The following PHYH variants were observed in gnomAD, a reference collection of about 807,000 sequenced individuals.
The protein encoded by PHYH is phytanoyl-CoA dioxygenase, peroxisomal.
In PHYH, 32 loss-of-function variants were observed where a neutral mutation model predicts 38.5. That is an observed-to-expected ratio of 0.83 (90% CI 0.63 to 1.12). PHYH has a LOEUF of 1.12. PHYH is among the 50% of genes most tolerant of loss of function. PHYH has a pLI of 0.00. For synonymous variants in PHYH, 166 were observed against 157.9 expected (o/e 1.05, Z -0.38); for missense variants, 426 against 434.8 (o/e 0.98, Z 0.18).
chr10:13,284,044 C>T (rs1044501706), intron 6 of PHYH, among the ~76,000 whole-genome samples: 10 of 152,002 alleles, frequency 6.6e-5, no homozygotes, highest in African/African-American at 2.2e-4. Context: ...ACATTTTGGC[C>T]GGGCATGGTG....
Position 13,298,191 on chromosome 10 carries a change from A to G in PHYH, c.130T>C (p.Phe44Leu). ...ATCAAAACTCAAACTACTTACTGGA[A>G]TTGTTGAGGATGGAAACTGGCAGAG... ...ISSASFHPQQ[F>L]QYTLDNNVLT... is the part of the protein sequence containing the mutation. Residue 44 changes from phenylalanine to leucine, a missense_variant, in exon 2 of 9, where the codon TTC (phenylalanine) becomes CTC (leucine). Transcript: ENST00000263038. The G allele has an allele frequency of 1.3e-6, 2 of 1,594,816 alleles. No individual in the cohort carries two copies. Among genetic ancestry groups the G allele is most frequent in the Non-Finnish European group, 1.7e-6 (2 of 1,162,370 alleles).
intron 5 of PHYH, among the ~76,000 whole-genome samples, chr10:13,290,047 T>C (rs1835666933): frequency 1.4e-5 from 2 of 141,008 alleles, no homozygotes; most frequent in African/African-American, 2.7e-5. Context: ...GCCGGGTAGA[T>C]TGCCTGAGGT....
rs1380062350 is a variant in PHYH, at chr10:13,289,996, C to T, written c.497-1455G>A. ...AAAAACACACAAAACAGGACGGGCACGGTGGCTCACGCCGGTAATCCCAGC... is the reference window on the plus strand; with the variant it reads ...AAAAACACACAAAACAGGACGGGCATGGTGGCTCACGCCGGTAATCCCAGC... On this transcript the variant is annotated intron_variant, in intron 5 of 8. Transcript: ENST00000263038. Among the ~76,000 whole-genome samples, 7 of 144,448 alleles carry T rather than the reference C, an allele frequency of 4.8e-5. 1 individual carries two copies. In the South Asian group the frequency reaches 8.9e-4, roughly 18 times the overall value. The allele number at this position is 144,448 out of a possible 152,430, so 94.8% of individuals were successfully genotyped here.
rs1389557837 is a variant in PHYH at position 13,288,412 on chromosome 10, A to C, written c.626T>G (p.Leu209Arg). 13 of 1,614,044 alleles carry C rather than the reference A, an allele frequency of 8.1e-6. No homozygotes were observed. The highest frequency in any genetic ancestry group is 8.5e-7 in the Non-Finnish European group (1 of 1,180,058). ...CAGGGAGCCCTTGTGTGTGCCTGGG[A>C]GCACAACCAGACAGCCGTTGTTCCG... Reference protein sequence around the residue: ...ISRNNGCLVVLPGTHKGSLKP... With the variant: ...ISRNNGCLVVRPGTHKGSLKP... The change falls in exon 6 of 9, where the codon CTC becomes CGC. Residue 209 changes from leucine to arginine, a missense_variant. By Grantham distance (102) the Leu-to-Arg change is moderately radical. Coordinates refer to ENST00000263038, the MANE Select transcript of PHYH (RefSeq NM_006214.4).
rs150001161 is a variant in PHYH at position 13,294,466 on chromosome 10, C to G, written c.376G>C (p.Glu126Gln). 1.9e-6 allele frequency: 3 copies of G among 1,614,010 alleles called. No individual in the cohort carries two copies. Among genetic ancestry groups the G allele is most frequent in the Middle Eastern group, 1.6e-4 (1 of 6,084 alleles). ...CAGTATCTGAAGAGCTCCTTATCTT[C>G]CTGGAAATCCTGGACCTTCGTGATC... is the stretch of plus-strand genomic sequence containing the variant. ...KMITKVQDFQ[E>Q]DKELFRYCTL... The change falls in exon 4 of 9, where the codon GAA (glutamate) becomes CAA (glutamine). Residue 126 changes from glutamate (E) to glutamine (Q), a missense_variant. Coordinates refer to ENST00000263038, the MANE Select transcript of PHYH (RefSeq NM_006214.4).
rs1832707956 is a variant in PHYH at position 13,300,030 on chromosome 10, G to T, written c.13C>A (p.Arg5Ser). Residue 5 changes from arginine (R) to serine (S), a missense_variant, in exon 1 of 9, where the codon CGC becomes AGC. Coordinates refer to ENST00000263038, the MANE Select transcript of PHYH (RefSeq NM_006214.4). MEQL[R>S]AAARLQIVLG... ...ACAATCTGCAGACGGGCGGCGGCGC[G>T]AAGCTGCTCCATGGCTGCGGCGCGG... The T allele has an allele frequency of 1.3e-6, 2 of 1,531,630 alleles. No individual in the cohort carries two copies. The highest frequency in any genetic ancestry group is 8.7e-7 in the Non-Finnish European group (1 of 1,144,298). The allele number at this position is 1,531,630 out of a possible 1,614,324, so 94.9% of individuals were successfully genotyped here. A position where few individuals can be genotyped will look rare whatever the true frequency, so the allele number is the denominator to read the frequency against.
intron 1 of PHYH, chr10:13,299,559 G>A: frequency 2.0e-6 from 2 of 1,016,420 alleles, no homozygotes; most frequent in Non-Finnish European, 2.4e-6. Context: ...GAGAGGTCCC[G>A]GTCACTGCCT....
chr10:13,288,694 G>A (rs1040488798), intron 5 of PHYH, among the ~76,000 whole-genome samples, 153 bp from the exon 6 acceptor site: 1 of 151,956 alleles, frequency 6.6e-6, no homozygotes, highest in African/African-American at 2.4e-5. Flanking sequence ...ACCATCCCGG[G>A]AAACACAGTG....
chr10:13,279,005 T>A (rs529574969), intron 8 of PHYH, among the ~76,000 whole-genome samples: 1 of 147,930 alleles, frequency 6.8e-6, no homozygotes, highest in African/African-American at 2.5e-5. Context: ...TTCTGCATAA[T>A]TTTTTTTTTT....
At chr10:13,299,228 GT>G (rs1033205546) in intron 1 of PHYH, among the ~76,000 whole-genome samples, 23 of 151,748 alleles carry the variant, frequency 1.5e-4, no homozygotes. Flanking sequence ...GAATTGCATT[GT>G]TTCTTTAGCT....
At chr10:13,287,156 T>A (rs11258307) in intron 6 of PHYH, among the ~76,000 whole-genome samples, 1 of 151,838 alleles carries the variant, frequency 6.6e-6, no homozygotes, top group East Asian at 1.9e-4. Flanking sequence ...CTGGCCAACA[T>A]AGTGAAATCC....
chr10:13,295,110 G>A (rs960578541), intron 3 of PHYH: 3 of 281,114 alleles, frequency 1.1e-5, no homozygotes, highest in South Asian at 7.6e-5. Context: ...GGAGGGTGAG[G>A]CCAGGAGTTC....
At chr10:13,294,623 T>C in intron 3 of PHYH, 27 bp from the exon 4 acceptor site, 1 of 1,608,958 alleles carries the variant, frequency 6.2e-7, no homozygotes, top group Non-Finnish European at 8.5e-7. Flanking sequence ...GCAAATGATG[T>C]CGTTACCGCT....
At chr10:13,289,593 G>T (rs972956201) in intron 5 of PHYH, among the ~76,000 whole-genome samples, 1 of 152,132 alleles carries the variant, frequency 6.6e-6, no homozygotes, top group Non-Finnish European at 1.5e-5. Flanking sequence ...TGAAGAGAGT[G>T]ATATGGAGTC....
rs1835618048 is a variant in PHYH at position 13,288,522 on chromosome 10, G to T, written c.516C>A (p.His172Gln). 2 of 1,614,138 alleles carry T rather than the reference G, an allele frequency of 1.2e-6. No homozygotes were observed. Among genetic ancestry groups the T allele is most frequent in the Non-Finnish European group, 1.7e-6 (2 of 1,180,036 alleles). Residue 172 changes from histidine to glutamine, a missense_variant, in exon 6 of 9, where the codon CAC (histidine) becomes CAA (glutamine). Coordinates refer to ENST00000263038, the MANE Select transcript of PHYH (RefSeq NM_006214.4). ...AATAGTGCAGGTCCTGGTGCAGGGG[G>T]TGACGGGACGTCTTCTTGCCTGAAA... The part of the protein sequence containing the change: ...PPDSGKKTSR[H>Q]PLHQDLHYFP...
At chr10:13,283,985 A>G (rs1237642442) in intron 6 of PHYH, 146 bp from the exon 7 acceptor site, 2 of 856,436 alleles carry the variant, frequency 2.3e-6, no homozygotes, top group Non-Finnish European at 3.9e-6. Flanking sequence ...AAATGCTTAC[A>G]TTTTTTTCAG....
chr10:13,298,146 T>G (rs745786404), intron 2 of PHYH, 41 bp downstream of exon 2: 1 of 1,261,400 alleles, frequency 7.9e-7, no homozygotes, highest in Admixed American at 1.7e-5. Context: ...GAAACTTTTA[T>G]ATACATAATA....
chr10:13,291,860 G>A lies in PHYH; in HGVS notation c.467C>T (p.Thr156Ile), dbSNP rs1440122060. ...FTGPNIMAMH[T>I]MLINKPPDSG... is the part of the protein sequence containing the mutation. ...ATCTGGAGGTTTGTTTATCAACATT[G>A]TGTGCATGGCCATAATATTAGGTCC... The change falls in exon 5 of 9, where the codon ACA becomes ATA. Residue 156 changes from threonine to isoleucine, a missense_variant. Thr to Ile is a moderately conservative substitution (Grantham distance 89). Transcript: ENST00000263038. The A allele has an allele frequency of 1.2e-6, 2 of 1,609,122 alleles. No individual in the cohort carries two copies. Among genetic ancestry groups the A allele is most frequent in the Non-Finnish European group, 1.7e-6 (2 of 1,176,902 alleles).
At chr10:13,292,000 A>G in intron 4 of PHYH, 88 bp from the exon 5 acceptor site, 1 of 851,870 alleles carries the variant, frequency 1.2e-6, no homozygotes, top group Non-Finnish European at 1.9e-6. Flanking sequence ...CTATCCACAC[A>G]AGAACCAAGA....
Sources: gnomAD v4.1 joint callset for allele counts (sites outside exome capture counted in the v4.1 genomes callset) on GRCh38, gnomAD v4.1.1 for gene constraint, MANE v1.5 for transcripts, NCBI Gene and HGNC (gene_info 2026-07-23, HGNC 2026-07-21) for gene names.